TMEFF2: variants seen among roughly 807,000 people sequenced by gnomAD.
TMEFF2 encodes tomoregulin-2.
A neutral mutation model predicts 53.8 loss-of-function variants in TMEFF2; 28 were observed. The observed-to-expected ratio is 0.52, with a 90% CI of 0.39 to 0.71. The LOEUF is 0.71. Ranked by LOEUF, TMEFF2 falls within the 30% of genes least tolerant of loss-of-function variation. TMEFF2 has a pLI of 0.00. For synonymous variants in TMEFF2, 162 were observed against 166.3 expected, an observed-to-expected ratio of 0.97 and a Z score of 0.20; for missense variants, 353 against 455.2, an observed-to-expected ratio of 0.78 and a Z score of 2.04.
At chr2:192,048,634 A>C (rs974455246) in intron 5 of TMEFF2, among the ~76,000 whole-genome samples, 4 of 152,184 alleles carry the variant, frequency 2.6e-5, no homozygotes, top group Admixed American at 1.3e-4. Flanking sequence ...CATTTAATCT[A>C]CTAAGATACA....
At chr2:192,046,947 G>C (rs1225868499) in intron 5 of TMEFF2, among the ~76,000 whole-genome samples, 1 of 149,774 alleles carries the variant, frequency 6.7e-6, no homozygotes, top group African/African-American at 2.5e-5. Flanking sequence ...TTTAGATGGA[G>C]TCTTGCTCTG....
At chr2:192,182,449 T>C (rs1478402549) in intron 3 of TMEFF2, among the ~76,000 whole-genome samples, 1 of 151,978 alleles carries the variant, frequency 6.6e-6, no homozygotes, top group African/African-American at 2.4e-5. Context: ...AATCTAAGTA[T>C]GTGAATGAGC....
chr2:191,964,864 A>T (rs1185385736), intron 7 of TMEFF2, among the ~76,000 whole-genome samples: 1 of 152,086 alleles, frequency 6.6e-6, no homozygotes, highest in Non-Finnish European at 1.5e-5. Context: ...AGTAATATTC[A>T]CTACAGCTGA....
chr2:192,016,602 G>A (rs1043470782), intron 5 of TMEFF2, among the ~76,000 whole-genome samples: 2 of 152,114 alleles, frequency 1.3e-5, no homozygotes, highest in African/African-American at 4.8e-5. Flanking sequence ...TGTTCTTTTA[G>A]CAGCTAGTTA....
chr2:192,162,743 A>G (rs1016332233), intron 4 of TMEFF2, among the ~76,000 whole-genome samples: 1 of 152,230 alleles, frequency 6.6e-6, no homozygotes, highest in Non-Finnish European at 1.5e-5. Flanking sequence ...GCTTTTAAAA[A>G]CCAAACAATA....
chr2:192,080,449 T>C (rs1688525794), intron 4 of TMEFF2, among the ~76,000 whole-genome samples: 1 of 152,208 alleles, frequency 6.6e-6, no homozygotes, highest in South Asian at 2.1e-4. Context: ...GCTATGTTTG[T>C]AAGTTTCCTG....
intron 4 of TMEFF2, chr2:192,178,119 A>G (rs920376723): frequency 6.6e-6 from 1 of 151,116 alleles, no homozygotes; most frequent in African/African-American, 2.4e-5. Context: ...ACAGTGGAAC[A>G]GTTCAGTCTC....
In TMEFF2 at chr2:192,194,336, G is replaced by A. The variant is rs1036295082; in HGVS notation, c.172+17C>T. 5 of 1,612,782 alleles carry A rather than the reference G, an allele frequency of 3.1e-6. No homozygotes were observed. The highest frequency in any genetic ancestry group is 3.3e-5 in the Admixed American group (2 of 59,954). On this transcript the variant is annotated intron_variant, in intron 1 of 9. Transcript: ENST00000272771. The surrounding 1 kb of genome is among the most constrained non-coding windows in gnomAD (Gnocchi z 4.2). The stretch of plus-strand genomic sequence containing the variant: ...TCTGCGGAGTTAAAGGGTCGGGGAC[G>A]GGGGTTCTGGACTTACCAGAGCAAT...
chr2:192,031,106 G>A (rs1232711936), intron 5 of TMEFF2, among the ~76,000 whole-genome samples: 3 of 152,120 alleles, frequency 2.0e-5, no homozygotes, highest in Admixed American at 6.6e-5. Context: ...GCTGCCTTAG[G>A]AAAGCCTTCC....
intron 4 of TMEFF2, among the ~76,000 whole-genome samples, chr2:192,064,190 G>C (rs1031443327): frequency 8.6e-5 from 13 of 151,664 alleles, no homozygotes; most frequent in African/African-American, 3.1e-4. Context: ...GGGAAGTAGT[G>C]TTTCTTTGTT....
chr2:192,044,817 T>C (rs1376655958), intron 5 of TMEFF2, among the ~76,000 whole-genome samples: 2 of 152,194 alleles, frequency 1.3e-5, no homozygotes, highest in African/African-American at 4.8e-5. Flanking sequence ...TGGGCCTTAG[T>C]AGAGACTTAA....
intron 2 of TMEFF2, among the ~76,000 whole-genome samples, chr2:192,189,347 C>A (rs1691402653): frequency 6.6e-6 from 1 of 151,514 alleles, no homozygotes; most frequent in African/African-American, 2.4e-5. Context: ...AGTTTGAGAC[C>A]AGCCTGGGTA....
At chr2:192,146,050 C>T (rs575234388) in intron 4 of TMEFF2, among the ~76,000 whole-genome samples, 1 of 152,034 alleles carries the variant, frequency 6.6e-6, no homozygotes, top group East Asian at 1.9e-4. Flanking sequence ...ACAAGACAGG[C>T]AGGAGAATCA....
chr2:192,001,783 C>T (rs115052324), intron 5 of TMEFF2, among the ~76,000 whole-genome samples: 2,307 of 152,278 alleles, frequency 0.015, 54 homozygotes, highest in African/African-American at 0.052. Context: ...GATTGTGAGG[C>T]CTCCCTACCC....
intron 7 of TMEFF2, among the ~76,000 whole-genome samples, chr2:191,968,619 T>C (rs1692535706): frequency 6.6e-6 from 1 of 152,154 alleles, no homozygotes; most frequent in Non-Finnish European, 1.5e-5. Flanking sequence ...AGGGGTTCTG[T>C]AGTCAAATAA....
intron 4 of TMEFF2, among the ~76,000 whole-genome samples, chr2:192,064,494 T>A (rs1355845919): frequency 6.6e-6 from 1 of 151,846 alleles, no homozygotes; most frequent in East Asian, 1.9e-4. Flanking sequence ...TGATTTGACG[T>A]CTGTTCTGTA....
At chr2:191,971,840 A>G (rs1692650448) in intron 7 of TMEFF2, among the ~76,000 whole-genome samples, 1 of 152,192 alleles carries the variant, frequency 6.6e-6, no homozygotes, top group African/African-American at 2.4e-5. Context: ...TAAATTAGAA[A>G]TGTCACAGGA....
intron 7 of TMEFF2, among the ~76,000 whole-genome samples, chr2:191,968,520 C>T (rs544233501): frequency 1.3e-5 from 2 of 152,254 alleles, no homozygotes; most frequent in East Asian, 1.9e-4. Context: ...GCAGGCCTTA[C>T]GGACATAGAA....
At position 192,175,315 on chromosome 2, in the gene TMEFF2, G is replaced by A. The variant is rs956121172; in HGVS notation, c.439+4353C>T. On this transcript the variant is annotated intron_variant, in intron 4 of 9. Transcript: ENST00000272771. ...GCAGTTCACATAATCAGAAATAGCA[G>A]CCCAAGATCTACAATGTGTTGCCAT... Among the ~76,000 whole-genome samples the A allele has an allele frequency of 2.6e-5, 4 of 151,292 alleles. No homozygotes were observed. The East Asian group carries it at 5.9e-4, about 22-fold the overall frequency.
Sources: allele counts gnomAD v4.1 joint callset (sites outside exome capture counted in the v4.1 genomes callset), GRCh38; gene constraint gnomAD v4.1.1; non-coding constraint Gnocchi (gnomAD v3.1); transcripts MANE v1.5; gene names NCBI Gene and HGNC (gene_info 2026-07-23, HGNC 2026-07-21).